ACIN1: variants seen among roughly 807,000 people sequenced by gnomAD.
ACIN1 encodes the protein apoptotic chromatin condensation inducer 1.
Under a neutral mutation model 146.6 loss-of-function variants are expected in ACIN1, and 16 were observed. The observed-to-expected ratio is 0.11, with a 90% CI of 0.07 to 0.17. ACIN1 has a LOEUF of 0.17. Among genes scored for constraint, ACIN1 ranks in the 10% least tolerant of loss-of-function variants. The pLI, the probability that ACIN1 is intolerant of heterozygous loss-of-function variation, is 1.00. For synonymous variants in ACIN1, 569 were observed against 582.7 expected, an observed-to-expected ratio of 0.98 and a Z score of 0.34; for missense variants, 1,357 against 1,609.3, an observed-to-expected ratio of 0.84 and a Z score of 2.68.
intron 4 of ACIN1, among the ~76,000 whole-genome samples, chr14:23,082,526 C>T (rs972702802): frequency 6.7e-6 from 1 of 148,582 alleles, no homozygotes; most frequent in Non-Finnish European, 1.5e-5. Flanking sequence ...CTCACTGCGA[C>T]CTCTGCCCCC....
At chr14:23,060,977 T>C (rs2047261369) in intron 18 of ACIN1, 107 bp downstream of exon 18, 3 of 1,044,028 alleles carry the variant, frequency 2.9e-6, no homozygotes, top group South Asian at 2.7e-5. Flanking sequence ...ATCCTAAACC[T>C]AGGAAGTACT....
At chr14:23,095,528 T>A (rs571099345), upstream of ACIN1, 32 of 529,832 alleles carry the variant, frequency 6.0e-5, no homozygotes, top group African/African-American at 5.5e-4. Context: ...CTGGCCCAGC[T>A]TAGGGTTTTC....
chr14:23,069,098 T>G, intron 9 of ACIN1: 1 of 995,352 alleles, frequency 1.0e-6, no homozygotes, highest in East Asian at 1.1e-4. Context: ...TAGATGGCGT[T>G]GGGCTCCATC....
At chr14:23,089,311 C>T (rs1470273211) in intron 4 of ACIN1, among the ~76,000 whole-genome samples, 1 of 152,200 alleles carries the variant, frequency 6.6e-6, no homozygotes, top group African/African-American at 2.4e-5. Context: ...GCCTCAGCCT[C>T]CCAAAGTGCT....
intron 4 of ACIN1, among the ~76,000 whole-genome samples, chr14:23,088,944 C>T (rs2048156207): frequency 6.6e-6 from 1 of 152,122 alleles, no homozygotes; most frequent in African/African-American, 2.4e-5. Flanking sequence ...ACATATTTTC[C>T]TCAAAGTATA....
chr14:23,093,695 T>A, intron 1 of ACIN1, 151 bp from the exon 2 acceptor site: 1 of 647,448 alleles, frequency 1.5e-6, no homozygotes, highest in South Asian at 1.9e-5. Context: ...AACCCTTTAC[T>A]AACACTGTTC....
intron 10 of ACIN1, 29 bp downstream of exon 10, chr14:23,065,937 T>A (rs185428523): frequency 6.9e-6 from 11 of 1,605,556 alleles, no homozygotes; most frequent in African/African-American, 2.7e-5. Context: ...TATTCCTGAC[T>A]TTTATCAGGG....
rs758259124 is a variant in ACIN1 at position 23,080,624 on chromosome 14, A to C, written c.711T>G (p.Ser237=). The change falls in exon 6 of 19, where the codon TCT becomes TCG. Residue 237 remains serine, a synonymous_variant. Coordinates refer to ENST00000605057, the MANE Select transcript of ACIN1 (RefSeq NM_001386863.1). The part of the protein sequence containing the change: ...EEEGDDEGQK[S]REAPILKEFK... The stretch of plus-strand genomic sequence containing the variant: ...ACTCTTTCAGGATTGGTGCCTCCCT[A>C]GATTTTTGTCCCTCATCATCACCTT... 61 of 1,613,726 alleles carry C rather than the reference A, an allele frequency of 3.8e-5. No individual in the cohort carries two copies. Among genetic ancestry groups the C allele is most frequent in the Non-Finnish European group, 1.0e-5 (12 of 1,179,984 alleles).
rs761524060 is a variant in ACIN1 at position 23,065,995 on chromosome 14, T to C, written c.2279A>G (p.Lys760Arg). Reference protein sequence around the residue: ...DEEKKESSLPKSFKRKISVVS... With the variant: ...DEEKKESSLPRSFKRKISVVS... The stretch of plus-strand genomic sequence containing the variant: ...AACGGAGATCTTCCTCTTGAATGAT[T>C]TGGGCAGCGAGCTCTGTATGAAGAA... The change falls in exon 10 of 19, where the codon AAA becomes AGA. Residue 760 changes from lysine (K) to arginine (R), a missense_variant. Physicochemically the swap from Lys to Arg is conservative, Grantham distance 26. Transcript: ENST00000605057. 3 of 1,613,460 alleles carry C rather than the reference T, an allele frequency of 1.9e-6. No individual in the cohort carries two copies. In the African/African-American group the frequency reaches 4.0e-5, roughly 22 times the overall value.
chr14:23,067,679 T>C lies in ACIN1; in HGVS notation c.2266-1671A>G. On this transcript the variant is annotated intron_variant, in intron 9 of 18. Transcript: ENST00000605057. The surrounding 1 kb of genome is among the most constrained non-coding windows in gnomAD (Gnocchi z 4.6). The stretch of plus-strand genomic sequence containing the variant: ...TGAGATGGCCTGTGAGTAGCAGGAA[T>C]GATCCTTGCCTTTTATCGTGAGAGG... 1.0e-6 allele frequency: 1 copy of C among 985,928 alleles called. No individual in the cohort carries two copies. 61.1% of individuals were successfully genotyped at this position (985,928 alleles called of 1,614,324 possible). A position where few individuals can be genotyped will look rare whatever the true frequency, so the allele number is the denominator to read the frequency against.
chr14:23,069,868 T>C lies in ACIN1; in HGVS notation c.2124-251A>G, dbSNP rs140754325. Among the ~76,000 whole-genome samples the C allele has an allele frequency of 1.2e-3, 183 of 152,234 alleles. 1 individual carries two copies. The highest frequency in any genetic ancestry group is 4.2e-3 in the African/African-American group (173 of 41,534). ...TATTGCCCAGATGAGTTAAAAGTTG[T>C]CATTTGTGGGGTTAGGACTCCAACT... is the stretch of plus-strand genomic sequence containing the variant. On this transcript the variant is annotated intron_variant, in intron 8 of 18. Coordinates refer to ENST00000605057, the MANE Select transcript of ACIN1 (RefSeq NM_001386863.1).
At position 23,068,085 on chromosome 14, in the gene ACIN1, C is replaced by T. The variant is rs916341641; in HGVS notation, c.2265+1391G>A. ...GGACAACAGGGACCAAAGGAAAGTC[C>T]ATCTGATGAGCAAGTGGTGACACAT... On this transcript the variant is annotated intron_variant, in intron 9 of 18. Transcript: ENST00000605057. This position sits in a 1 kb window ranked among gnomAD's most constrained non-coding sequence, Gnocchi z 4.3. 2.0e-6 allele frequency: 2 copies of T among 985,888 alleles called. No individual in the cohort carries two copies. Among genetic ancestry groups the T allele is most frequent in the Non-Finnish European group, 2.4e-6 (2 of 829,960 alleles). 61.1% of individuals were successfully genotyped at this position (985,888 alleles called of 1,614,324 possible). A position where few individuals can be genotyped will look rare whatever the true frequency, so the allele number is the denominator to read the frequency against.
At chr14:23,070,127 A>C (rs1196467301) in intron 8 of ACIN1, among the ~76,000 whole-genome samples, 5 of 150,642 alleles carry the variant, frequency 3.3e-5, no homozygotes, top group Non-Finnish European at 7.4e-5. Context: ...ACCTGTGTTT[A>C]ATCAACTGCT....
chr14:23,061,769 C>T (rs866404478), intron 16 of ACIN1, 147 bp from the exon 17 acceptor site: 47 of 681,038 alleles, frequency 6.9e-5, no homozygotes, highest in Middle Eastern at 8.2e-4. Flanking sequence ...GTCAGGAGAC[C>T]GAGACCATCC....
intron 10 of ACIN1, 183 bp from the exon 11 acceptor site, chr14:23,064,671 G>C (rs1046986837): frequency 2.7e-6 from 2 of 731,320 alleles, no homozygotes; most frequent in Admixed American, 5.9e-5. Context: ...GGCCAAGGCG[G>C]GTGGATCACG....
intron 3 of ACIN1, 146 bp downstream of exon 3, chr14:23,090,376 C>A: frequency 2.5e-6 from 2 of 813,580 alleles, no homozygotes; most frequent in Admixed American, 2.9e-5. Flanking sequence ...AATAGTAAAC[C>A]ACTTGGCTTC....
chr14:23,072,222 AG>A (rs1219242040), intron 8 of ACIN1, among the ~76,000 whole-genome samples: 1 of 152,126 alleles, frequency 6.6e-6, no homozygotes. Flanking sequence ...AAATACCAGT[AG>A]AAGGGGGGCA....
chr14:23,059,290 CTT>C lies in ACIN1; in HGVS notation c.3708_3709del (p.Arg1237GlyfsTer11). On this transcript the variant is annotated frameshift_variant, in exon 19 of 19. Transcript: ENST00000605057. LOFTEE classifies it high-confidence loss of function. ...ATCTCGGTCCCCCCTGTCCCGCTCC[CTT>C]TCTCTCTCTCTCTCCCTGTCCCTCT... is the stretch of plus-strand genomic sequence containing the variant. The C allele has an allele frequency of 1.2e-6, 2 of 1,602,308 alleles. No individual in the cohort carries two copies. The highest frequency in any genetic ancestry group is 1.7e-6 in the Non-Finnish European group (2 of 1,169,200).
chr14:23,069,411 T>A (rs2047558790), intron 9 of ACIN1, 65 bp downstream of exon 9: 1 of 1,567,570 alleles, frequency 6.4e-7, no homozygotes, highest in South Asian at 1.2e-5. Flanking sequence ...ATCACTAGAG[T>A]GCTCTACTCT....
Sources: allele counts gnomAD v4.1 joint callset (sites outside exome capture counted in the v4.1 genomes callset), GRCh38; gene constraint gnomAD v4.1.1; non-coding constraint Gnocchi (gnomAD v3.1); transcripts MANE v1.5; gene names NCBI Gene and HGNC (gene_info 2026-07-23, HGNC 2026-07-21).